The following MTNR1A variants were observed in gnomAD, a reference collection of about 807,000 sequenced individuals.
MTNR1A encodes the protein melatonin receptor type 1A.
MTNR1A carries 7 observed loss-of-function variants against 5.5 expected under a neutral mutation model. That is an observed-to-expected ratio of 1.28 (90% confidence interval 0.73 to 2.40). MTNR1A has a LOEUF of 2.40. Among genes scored for constraint, MTNR1A ranks in the 30% most tolerant of loss-of-function variants. The pLI is 0.00. For synonymous variants in MTNR1A, 196 were observed against 202.7 expected (o/e 0.97, Z 0.28); for missense variants, 441 against 464.4 (o/e 0.95, Z 0.46).
chr4:186,552,156 A>G (rs2126307234), intron 1 of MTNR1A, among the ~76,000 whole-genome samples: 1 of 152,314 alleles, frequency 6.6e-6, no homozygotes, highest in East Asian at 1.9e-4. Context: ...TAAGCACAAA[A>G]GGTTGTGCTT....
At chr4:186,536,138 G>C (rs11735666) in intron 1 of MTNR1A, among the ~76,000 whole-genome samples, 97,100 of 151,468 alleles carry the variant, frequency 0.64, 32,158 homozygotes, top group Middle Eastern at 0.74. Flanking sequence ...CTGAAGTCAG[G>C]AGTTCAGGAC....
At chr4:186,552,497 A>G (rs979377755) in intron 1 of MTNR1A, among the ~76,000 whole-genome samples, 3 of 152,256 alleles carry the variant, frequency 2.0e-5, no homozygotes, top group African/African-American at 7.2e-5. Context: ...ATGTACATAT[A>G]GAAAAATGCA....
intron 1 of MTNR1A, among the ~76,000 whole-genome samples, chr4:186,546,668 A>T (rs1323992519): frequency 3.4e-5 from 5 of 146,074 alleles, no homozygotes; most frequent in African/African-American, 1.4e-4. Context: ...CCCACATCAC[A>T]CCCTGTTCAT....
chr4:186,546,099 A>G (rs1354774309), intron 1 of MTNR1A, among the ~76,000 whole-genome samples: 1 of 152,152 alleles, frequency 6.6e-6, no homozygotes, highest in African/African-American at 2.4e-5. Context: ...GTCTCTTAAT[A>G]TGCAATAAAT....
At chr4:186,549,568 A>C (rs1737225828) in intron 1 of MTNR1A, among the ~76,000 whole-genome samples, 1 of 152,208 alleles carries the variant, frequency 6.6e-6, no homozygotes, top group Admixed American at 6.6e-5. Flanking sequence ...GATTGCTTTA[A>C]GCTCCAGCTA....
chr4:186,539,612 T>G (rs751298083), intron 1 of MTNR1A, among the ~76,000 whole-genome samples: 50 of 152,130 alleles, frequency 3.3e-4, no homozygotes, highest in Non-Finnish European at 4.7e-4. Flanking sequence ...GTTGTTCATC[T>G]CTCCACCATG....
At chr4:186,547,232 A>C (rs113418796) in intron 1 of MTNR1A, among the ~76,000 whole-genome samples, 4 of 49,672 alleles carry the variant, frequency 8.1e-5, no homozygotes, top group African/African-American at 1.6e-4. Flanking sequence ...CACCCTGTTC[A>C]TGGGACACAC....
chr4:186,540,148 T>C (rs1736977591), intron 1 of MTNR1A, among the ~76,000 whole-genome samples: 1 of 152,128 alleles, frequency 6.6e-6, no homozygotes, highest in African/African-American at 2.4e-5. Flanking sequence ...TTATTCACTA[T>C]CTCGAGAACA....
chr4:186,546,116 G>T (rs1737135022), intron 1 of MTNR1A, among the ~76,000 whole-genome samples: 1 of 152,194 alleles, frequency 6.6e-6, no homozygotes, highest in Admixed American at 6.5e-5. Context: ...AAATCAAGCT[G>T]CTTAGGGCCG....
chr4:186,545,086 T>C (rs1737112459), intron 1 of MTNR1A, among the ~76,000 whole-genome samples: 1 of 152,166 alleles, frequency 6.6e-6, no homozygotes, highest in East Asian at 1.9e-4. Flanking sequence ...CTCTCTTTCT[T>C]ACAAGCTCCC....
chr4:186,534,232 G>T lies in MTNR1A; in HGVS notation c.510C>A (p.Tyr170Ter). ...AGGTGCACGAGTAGATCCTCGGGTC[G>T]TACTGGAGAGTCCCTGCACGGAGGT... ...LPNLRAGTLQYDPRIYSCTFA... is the reference protein window; with the variant it reads ...LPNLRAGTLQ Residue 170 changes from tyrosine (Y) to a stop codon, truncating the protein, a stop_gained, in exon 2 of 2, where the codon TAC becomes TAA. Coordinates refer to ENST00000307161, the MANE Select transcript of MTNR1A (RefSeq NM_005958.4). LOFTEE classifies it low-confidence loss of function (END_TRUNC). The T allele has an allele frequency of 6.2e-7, 1 of 1,614,128 alleles. No homozygotes were observed.
chr4:186,550,291 C>T (rs1174641465), intron 1 of MTNR1A, among the ~76,000 whole-genome samples: 1 of 152,174 alleles, frequency 6.6e-6, no homozygotes, highest in Non-Finnish European at 1.5e-5. Context: ...AAAAACGCTT[C>T]TTTAACAACA....
At chr4:186,539,533 A>G (rs1374952738) in intron 1 of MTNR1A, among the ~76,000 whole-genome samples, 1 of 152,184 alleles carries the variant, frequency 6.6e-6, no homozygotes, top group East Asian at 1.9e-4. Flanking sequence ...GCCTTTAGGA[A>G]GCCATTAAAT....
chr4:186,535,048 G>A (rs775359675), intron 1 of MTNR1A, among the ~76,000 whole-genome samples: 9 of 152,102 alleles, frequency 5.9e-5, no homozygotes, highest in Admixed American at 1.3e-4. Context: ...GGGATCTGTC[G>A]TCAGCCGTCT....
chr4:186,546,655 C>A (rs1468640313), intron 1 of MTNR1A, among the ~76,000 whole-genome samples: 1 of 151,360 alleles, frequency 6.6e-6, no homozygotes, highest in Admixed American at 6.6e-5. Flanking sequence ...CCTGTTCATG[C>A]CACCCACATC....
chr4:186,554,126 C>A (rs1480519045), intron 1 of MTNR1A, among the ~76,000 whole-genome samples: 1 of 151,968 alleles, frequency 6.6e-6, no homozygotes, highest in Non-Finnish European at 1.5e-5. Context: ...TTATATCAAT[C>A]ACCTACGAAG....
intron 1 of MTNR1A, among the ~76,000 whole-genome samples, chr4:186,554,003 A>G (rs902091884): frequency 6.6e-6 from 1 of 152,192 alleles, no homozygotes; most frequent in Non-Finnish European, 1.5e-5. Context: ...CCACAGCACA[A>G]GGCTGCACTA....
chr4:186,539,496 G>T (rs955613069), intron 1 of MTNR1A, among the ~76,000 whole-genome samples: 1 of 152,112 alleles, frequency 6.6e-6, no homozygotes, highest in African/African-American at 2.4e-5. Flanking sequence ...ACACTTAATC[G>T]CCAATGTGAT....
At chr4:186,536,230 C>T (rs1328902336) in intron 1 of MTNR1A, among the ~76,000 whole-genome samples, 3 of 151,678 alleles carry the variant, frequency 2.0e-5, no homozygotes, top group East Asian at 1.9e-4. Context: ...CCTGTAATCC[C>T]AACTACTTGG....
Sources: gnomAD v4.1 joint callset for allele counts (sites outside exome capture counted in the v4.1 genomes callset) on GRCh38, gnomAD v4.1.1 for gene constraint, MANE v1.5 for transcripts, NCBI Gene and HGNC (gene_info 2026-07-23, HGNC 2026-07-21) for gene names.